The following SLC8A1 variants were observed in gnomAD, a reference collection of about 807,000 sequenced individuals.
SLC8A1 encodes the protein solute carrier family 8 member A1.
In SLC8A1, 18 loss-of-function variants were observed where a neutral mutation model predicts 68.3. The observed-to-expected ratio is 0.26, with a 90% CI of 0.18 to 0.39. The LOEUF (loss-of-function observed/expected upper bound fraction) is 0.39. Ranked by LOEUF, SLC8A1 falls within the 10% of genes least tolerant of loss-of-function variation. The pLI, the probability that SLC8A1 is intolerant of heterozygous loss-of-function variation, is 1.00. For synonymous variants in SLC8A1, 475 were observed against 415.5 expected (o/e 1.14, Z -1.74); for missense variants, 985 against 1,156.7 (o/e 0.85, Z 2.15).
chr2:40,208,408 CA>C (rs1267086497), intron 2 of SLC8A1: 1 of 152,122 alleles, frequency 6.6e-6, no homozygotes, highest in Non-Finnish European at 1.5e-5. Flanking sequence ...ACTGGAGAGT[CA>C]ATCTGAAGTC....
At chr2:40,253,315 TAC>T (rs1296463413) in intron 2 of SLC8A1, among the ~76,000 whole-genome samples, 1 of 151,154 alleles carries the variant, frequency 6.6e-6, no homozygotes, top group African/African-American at 2.4e-5. Flanking sequence ...TACACATATA[TAC>T]ACACACATAT....
At chr2:40,210,183 A>G (rs974288585) in intron 2 of SLC8A1, among the ~76,000 whole-genome samples, 4 of 152,204 alleles carry the variant, frequency 2.6e-5, no homozygotes, top group African/African-American at 4.8e-5. Context: ...CATATACAGT[A>G]CCTATTTAAA....
intron 1 of SLC8A1, among the ~76,000 whole-genome samples, chr2:40,439,948 A>G (rs994588604): frequency 6.6e-6 from 1 of 152,178 alleles, no homozygotes; most frequent in Non-Finnish European, 1.5e-5. Context: ...CCAAGTGTCT[A>G]TTTACATATT....
intron 2 of SLC8A1, among the ~76,000 whole-genome samples, chr2:40,340,356 T>A (rs1450825420): frequency 6.6e-6 from 1 of 151,948 alleles, no homozygotes; most frequent in East Asian, 1.9e-4. Context: ...AGGTCAGGAG[T>A]TTGAGACCAG....
intron 2 of SLC8A1, among the ~76,000 whole-genome samples, chr2:40,364,471 A>G (rs1675464503): frequency 6.7e-6 from 1 of 150,200 alleles, no homozygotes; most frequent in South Asian, 2.1e-4. Context: ...CAATTAGAAG[A>G]TTTCTATGAA....
chr2:40,175,273 A>G (rs781722848), intron 3 of SLC8A1: 24 of 1,613,192 alleles, frequency 1.5e-5, no homozygotes, highest in Middle Eastern at 3.3e-4. Flanking sequence ...AGCTCATTCA[A>G]TAACAGGGCT....
At chr2:40,183,785 G>A (rs1383402231) in intron 2 of SLC8A1, among the ~76,000 whole-genome samples, 3 of 152,176 alleles carry the variant, frequency 2.0e-5, no homozygotes. Flanking sequence ...GTGGGATTTT[G>A]CAAACTAGAA....
At chr2:40,121,840 T>A (rs1168055437) in intron 7 of SLC8A1, among the ~76,000 whole-genome samples, 3 of 152,178 alleles carry the variant, frequency 2.0e-5, no homozygotes, top group Non-Finnish European at 4.4e-5. Flanking sequence ...AATTTGACAA[T>A]CCTTTGCATT....
At chr2:40,434,892 G>A (rs1195442645) in intron 1 of SLC8A1, among the ~76,000 whole-genome samples, 1 of 152,142 alleles carries the variant, frequency 6.6e-6, no homozygotes, top group African/African-American at 2.4e-5. Flanking sequence ...ACAAGGAATA[G>A]AAACCCACAT....
chr2:40,284,202 T>C (rs1189350830), intron 2 of SLC8A1, among the ~76,000 whole-genome samples: 1 of 151,668 alleles, frequency 6.6e-6, no homozygotes, highest in Admixed American at 6.6e-5. Flanking sequence ...TATACCAATA[T>C]ATCTCTATAA....
intron 2 of SLC8A1, among the ~76,000 whole-genome samples, chr2:40,377,326 A>G (rs1055533226): frequency 1.3e-5 from 2 of 152,092 alleles, no homozygotes; most frequent in Non-Finnish European, 2.9e-5. Context: ...CAAGCATCAC[A>G]TAAGACCCCA....
At chr2:40,276,768 T>C (rs2066749345) in intron 2 of SLC8A1, among the ~76,000 whole-genome samples, 1 of 152,232 alleles carries the variant, frequency 6.6e-6, no homozygotes, top group Non-Finnish European at 1.5e-5. Flanking sequence ...ATTTTTATTT[T>C]AGGTTGCAAG....
At chr2:40,499,318 T>A (rs890491684) in intron 1 of SLC8A1, among the ~76,000 whole-genome samples, 1 of 152,090 alleles carries the variant, frequency 6.6e-6, no homozygotes, top group African/African-American at 2.4e-5. Context: ...TTTAGCATTT[T>A]TCTGTCTCAT....
intron 2 of SLC8A1, among the ~76,000 whole-genome samples, chr2:40,370,322 A>G (rs1677624488): frequency 6.6e-6 from 1 of 152,114 alleles, no homozygotes; most frequent in African/African-American, 2.4e-5. Flanking sequence ...ACCCTAGGGA[A>G]TCAATTTACA....
chr2:40,444,571 A>G lies in SLC8A1; in HGVS notation c.-25+7333T>C, dbSNP rs1283967151. 2.0e-5 allele frequency among the ~76,000 whole-genome samples: 3 copies of G among 152,112 alleles called. 1 individual carries two copies. The highest frequency in any genetic ancestry group is 4.4e-5 in the Non-Finnish European group (3 of 68,014). ...CAATGTTTCATTTGCGTCTCTCATAATCTATACTGTGTGTGTCAAGAGTTG... is the reference window on the plus strand; with the variant it reads ...CAATGTTTCATTTGCGTCTCTCATAGTCTATACTGTGTGTGTCAAGAGTTG... On this transcript the variant is annotated intron_variant, in intron 1 of 7. Transcript: ENST00000406785.
intron 2 of SLC8A1, among the ~76,000 whole-genome samples, chr2:40,306,282 T>A (rs1314522813): frequency 6.6e-6 from 1 of 152,164 alleles, no homozygotes; most frequent in Non-Finnish European, 1.5e-5. Context: ...AAAGAAATAA[T>A]GTCAGCATTG....
At chr2:40,232,598 G>GTTTT (rs142725013) in intron 2 of SLC8A1, among the ~76,000 whole-genome samples, 1 of 133,604 alleles carries the variant, frequency 7.5e-6, no homozygotes, top group Non-Finnish European at 1.6e-5. Context: ...TTTGTATTCT[G>GTTTT]TTTTTTTTTT....
chr2:40,439,468 C>T (rs892065815), intron 1 of SLC8A1, among the ~76,000 whole-genome samples: 5 of 152,154 alleles, frequency 3.3e-5, no homozygotes, highest in South Asian at 4.1e-4. Context: ...AACTCAAGAA[C>T]GAATCCCTGT....
intron 2 of SLC8A1, among the ~76,000 whole-genome samples, chr2:40,403,261 A>G (rs939220805): frequency 2.0e-5 from 3 of 152,212 alleles, no homozygotes; most frequent in Non-Finnish European, 4.4e-5. Flanking sequence ...CAAAGCAAAA[A>G]TTCTCCCATT....
Sources: allele counts gnomAD v4.1 joint callset (sites outside exome capture counted in the v4.1 genomes callset), GRCh38; gene constraint gnomAD v4.1.1; transcripts MANE v1.5; gene names NCBI Gene and HGNC (gene_info 2026-07-23, HGNC 2026-07-21).